The following AUTS2 variants were observed in gnomAD, a reference collection of about 807,000 sequenced individuals.
AUTS2 encodes the protein autism susceptibility gene 2 protein.
A neutral mutation model predicts 112.4 loss-of-function variants in AUTS2; 17 were observed. That is an observed-to-expected ratio of 0.15 (90% CI 0.10 to 0.23). The LOEUF (loss-of-function observed/expected upper bound fraction) is 0.23. Among genes scored for constraint, AUTS2 ranks in the 10% least tolerant of loss-of-function variants. The probability of loss-of-function intolerance (pLI) is 1.00; values close to 1 mark genes in which losing one functional copy is unlikely to be tolerated. For synonymous variants in AUTS2, 751 were observed against 702.7 expected (o/e 1.07, Z -1.09); for missense variants, 1,510 against 1,701.6 (o/e 0.89, Z 1.98).
intron 1 of AUTS2, among the ~76,000 whole-genome samples, chr7:69,888,074 G>C (rs1794354139): frequency 6.6e-6 from 1 of 152,140 alleles, no homozygotes; most frequent in African/African-American, 2.4e-5. Flanking sequence ...ACTTGGGGAG[G>C]CCAAGGCGGG....
intron 5 of AUTS2, among the ~76,000 whole-genome samples, chr7:70,547,451 C>T (rs1800835642): frequency 6.6e-6 from 1 of 152,116 alleles, no homozygotes; most frequent in East Asian, 1.9e-4. Context: ...GACAGGGTTT[C>T]ACCATGTTGG....
At chr7:69,677,130 T>C (rs1269103591) in intron 1 of AUTS2, among the ~76,000 whole-genome samples, 1 of 152,178 alleles carries the variant, frequency 6.6e-6, no homozygotes, top group Non-Finnish European at 1.5e-5. Context: ...CTGTCAGAGC[T>C]GATAGAGTTT....
chr7:70,333,967 A>G (rs1198719557), intron 4 of AUTS2, among the ~76,000 whole-genome samples: 1 of 152,190 alleles, frequency 6.6e-6, no homozygotes, highest in Admixed American at 6.6e-5. Context: ...AATAATAAAA[A>G]AAGAAATACA....
rs536255759 is a variant in AUTS2, at chr7:69,758,562, A to G, written c.310-140724A>G. On this transcript the variant is annotated intron_variant, in intron 1 of 18. Transcript: ENST00000342771. ...TGGCCAATATTTTCAGTGAAAATGT[A>G]TTGAAATGCATTTCACTGAAAGAAA... Among the ~76,000 whole-genome samples the G allele has an allele frequency of 2.5e-4, 38 of 152,304 alleles. 1 individual carries two copies. The highest frequency in any genetic ancestry group is 2.2e-3 in the Admixed American group (34 of 15,300).
intron 1 of AUTS2, among the ~76,000 whole-genome samples, chr7:69,695,684 C>T (rs1381438709): frequency 6.6e-6 from 1 of 152,002 alleles, no homozygotes; most frequent in Non-Finnish European, 1.5e-5. Flanking sequence ...TAATATTTTG[C>T]TATATTTTAA....
chr7:70,442,608 A>G (rs1259426768), intron 5 of AUTS2, among the ~76,000 whole-genome samples: 1 of 152,108 alleles, frequency 6.6e-6, no homozygotes, highest in Non-Finnish European at 1.5e-5. Context: ...CTCCTGCCTC[A>G]GCCTCCCGAG....
At chr7:70,128,629 T>C (rs921357101) in intron 3 of AUTS2, among the ~76,000 whole-genome samples, 2 of 152,176 alleles carry the variant, frequency 1.3e-5, no homozygotes, top group Non-Finnish European at 2.9e-5. Context: ...GTGGCTACAG[T>C]AGAGTGAAGT....
chr7:70,362,374 G>A (rs769061877), intron 4 of AUTS2, among the ~76,000 whole-genome samples: 33 of 152,026 alleles, frequency 2.2e-4, no homozygotes, highest in Non-Finnish European at 4.1e-4. Flanking sequence ...TTCCCTGTCA[G>A]GGAAGGCTGA....
intron 4 of AUTS2, among the ~76,000 whole-genome samples, chr7:70,171,061 C>T (rs1456501500): frequency 6.6e-6 from 1 of 152,208 alleles, no homozygotes; most frequent in Admixed American, 6.5e-5. Context: ...CTTGGGTCTA[C>T]TGCCAGGTTC....
At chr7:69,900,909 A>T (rs1431167243) in intron 2 of AUTS2, among the ~76,000 whole-genome samples, 2 of 152,126 alleles carry the variant, frequency 1.3e-5, no homozygotes, top group Non-Finnish European at 2.9e-5. Flanking sequence ...TCAGTGAGGG[A>T]GTTTTTATAG....
intron 1 of AUTS2, among the ~76,000 whole-genome samples, chr7:69,707,986 A>C (rs1798143246): frequency 6.7e-6 from 1 of 149,174 alleles, no homozygotes; most frequent in African/African-American, 2.5e-5. Flanking sequence ...AGTTGTGGTG[A>C]CTCTTAGTCT....
rs150757794 is a variant in AUTS2, at chr7:70,606,012, A to G, written c.691-92557A>G. Among the ~76,000 whole-genome samples, 1,081 of 152,358 alleles carry G rather than the reference A, an allele frequency of 7.1e-3. 12 individuals are homozygous for G. Among genetic ancestry groups the G allele is most frequent in the Non-Finnish European group, 0.012 (843 of 68,028 alleles). ...TGTAAAACAACCTTAGGGTCATAGC[A>G]AGCCTTTTCAGCAGCTGGGCTTGCA... On this transcript the variant is annotated intron_variant, in intron 5 of 18. Coordinates refer to ENST00000342771, the MANE Select transcript of AUTS2 (RefSeq NM_015570.4).
intron 5 of AUTS2, among the ~76,000 whole-genome samples, chr7:70,591,052 C>T (rs1167629442): frequency 6.6e-6 from 1 of 152,180 alleles, no homozygotes; most frequent in Non-Finnish European, 1.5e-5. Context: ...TGGCAAAGTG[C>T]TTGGAACTAA....
intron 2 of AUTS2, among the ~76,000 whole-genome samples, chr7:69,927,149 C>T (rs1323540417): frequency 6.8e-6 from 1 of 146,796 alleles, no homozygotes; most frequent in Non-Finnish European, 1.5e-5. Context: ...ATGAAAGTCT[C>T]AAACTTAACA....
At chr7:69,698,937 T>C (rs754430696) in intron 1 of AUTS2, among the ~76,000 whole-genome samples, 15 of 152,144 alleles carry the variant, frequency 9.9e-5, no homozygotes, top group Non-Finnish European at 1.8e-4. Context: ...GATTTCCCAA[T>C]GTCATATATA....
intron 1 of AUTS2, among the ~76,000 whole-genome samples, chr7:69,738,652 G>T (rs756554761): frequency 3.9e-5 from 6 of 152,138 alleles, no homozygotes; most frequent in Non-Finnish European, 5.9e-5. Flanking sequence ...GCACTGTGCT[G>T]AACCCCAGGA....
At chr7:70,554,958 G>A (rs1801187605) in intron 5 of AUTS2, among the ~76,000 whole-genome samples, 1 of 152,224 alleles carries the variant, frequency 6.6e-6, no homozygotes, top group South Asian at 2.1e-4. Context: ...TTCCACCACT[G>A]TAGAATTTTT....
intron 6 of AUTS2, among the ~76,000 whole-genome samples, chr7:70,727,163 A>G (rs771923788): frequency 2.0e-5 from 3 of 152,166 alleles, no homozygotes; most frequent in African/African-American, 7.2e-5. Context: ...TGGGAATTCA[A>G]AGGTAGCTTT....
At chr7:69,843,943 T>G (rs564790011) in intron 1 of AUTS2, among the ~76,000 whole-genome samples, 1 of 152,336 alleles carries the variant, frequency 6.6e-6, no homozygotes, top group South Asian at 2.1e-4. Flanking sequence ...TGGGGACAGT[T>G]CTGCTTTTCA....
Sources: allele counts gnomAD v4.1 joint callset (sites outside exome capture counted in the v4.1 genomes callset), GRCh38; gene constraint gnomAD v4.1.1; transcripts MANE v1.5; gene names NCBI Gene and HGNC (gene_info 2026-07-23, HGNC 2026-07-21).